Variants in FCHSD2 observed in about 807,000 individuals in gnomAD.
FCHSD2 encodes FCH and double SH3 domains 2, also known as F-BAR and double SH3 domains protein 2.
FCHSD2 carries 38 observed loss-of-function variants against 108.1 expected under a neutral mutation model. The observed-to-expected ratio is 0.35, with a 90% CI of 0.27 to 0.46. FCHSD2 has a LOEUF of 0.46. Ranked by LOEUF, FCHSD2 falls within the 20% of genes least tolerant of loss-of-function variation. The probability of loss-of-function intolerance (pLI) is 1.00; values close to 1 mark genes in which losing one functional copy is unlikely to be tolerated. For synonymous variants in FCHSD2, 279 were observed against 314.7 expected, an observed-to-expected ratio of 0.89 and a Z score of 1.20; for missense variants, 751 against 897.8, an observed-to-expected ratio of 0.84 and a Z score of 2.09.
intron 9 of FCHSD2, among the ~76,000 whole-genome samples, chr11:72,920,083 G>C (rs886661268): frequency 6.6e-6 from 1 of 151,994 alleles, no homozygotes; most frequent in East Asian, 1.9e-4. Flanking sequence ...AGAAGCTTGA[G>C]AAAGAACAAT....
intron 8 of FCHSD2, among the ~76,000 whole-genome samples, chr11:72,955,326 A>G (rs1856692039): frequency 6.6e-6 from 1 of 152,226 alleles, no homozygotes; most frequent in African/African-American, 2.4e-5. Flanking sequence ...ACAGATGAAC[A>G]GCCAGATAGA....
At chr11:73,040,632 C>T (rs984148132) in intron 3 of FCHSD2, among the ~76,000 whole-genome samples, 1 of 152,092 alleles carries the variant, frequency 6.6e-6, no homozygotes, top group South Asian at 2.1e-4. Context: ...TTAAGGGGCA[C>T]ACATGATATT....
intron 12 of FCHSD2, among the ~76,000 whole-genome samples, chr11:72,871,619 C>T (rs1379629913): frequency 6.6e-6 from 1 of 151,998 alleles, no homozygotes; most frequent in Admixed American, 6.6e-5. Flanking sequence ...TGGCTTGTAC[C>T]TGGAGTCCAA....
intron 5 of FCHSD2, among the ~76,000 whole-genome samples, chr11:72,991,498 A>G (rs989639301): frequency 6.6e-6 from 1 of 152,328 alleles, no homozygotes; most frequent in African/African-American, 2.4e-5. Context: ...GCAGCACACC[A>G]AAAGCTTATC....
chr11:72,915,467 T>C (rs1443312875), intron 9 of FCHSD2, among the ~76,000 whole-genome samples: 4 of 152,264 alleles, frequency 2.6e-5, no homozygotes, highest in Middle Eastern at 6.8e-3. Context: ...TGCAGCACCA[T>C]TCACAATAGC....
At chr11:73,004,894 C>A (rs1369950225) in intron 4 of FCHSD2, among the ~76,000 whole-genome samples, 1 of 152,212 alleles carries the variant, frequency 6.6e-6, no homozygotes, top group Non-Finnish European at 1.5e-5. Context: ...TACGACCACA[C>A]TTTCAGCCAA....
chr11:72,901,458 G>T (rs1855524937), intron 10 of FCHSD2, among the ~76,000 whole-genome samples: 1 of 152,010 alleles, frequency 6.6e-6, no homozygotes, highest in South Asian at 2.1e-4. Flanking sequence ...TTGCCAGTTG[G>T]AATCTACAGA....
At chr11:73,075,532 T>C (rs569088779) in intron 3 of FCHSD2, among the ~76,000 whole-genome samples, 3 of 152,252 alleles carry the variant, frequency 2.0e-5, no homozygotes, top group East Asian at 1.9e-4. Flanking sequence ...TACAGTCAAT[T>C]TGGAAAACAG....
chr11:72,896,898 C>T (rs1855432144), intron 10 of FCHSD2, among the ~76,000 whole-genome samples: 1 of 151,814 alleles, frequency 6.6e-6, no homozygotes, highest in Non-Finnish European at 1.5e-5. Flanking sequence ...GCGATCTCGG[C>T]TCACTGCAAG....
intron 3 of FCHSD2, among the ~76,000 whole-genome samples, chr11:73,075,496 CA>C (rs896768133): frequency 1.3e-5 from 2 of 152,096 alleles, no homozygotes; most frequent in African/African-American, 4.8e-5. Flanking sequence ...AATGCAAACA[CA>C]ATGCAAAGCA....
chr11:72,974,234 C>G (rs1015017546), intron 8 of FCHSD2, among the ~76,000 whole-genome samples: 3 of 152,118 alleles, frequency 2.0e-5, no homozygotes, highest in Non-Finnish European at 2.9e-5. Flanking sequence ...GGCCTTCACG[C>G]TGTATCATCC....
At chr11:73,078,894 A>AT (rs1026908398) in intron 3 of FCHSD2, among the ~76,000 whole-genome samples, 2 of 151,216 alleles carry the variant, frequency 1.3e-5, no homozygotes, top group African/African-American at 4.9e-5. Context: ...ATTTTTTTTT[A>AT]TTTTTTATAG....
At chr11:73,033,484 A>C (rs1048006842) in intron 3 of FCHSD2, among the ~76,000 whole-genome samples, 3 of 152,048 alleles carry the variant, frequency 2.0e-5, no homozygotes, top group Non-Finnish European at 4.4e-5. Flanking sequence ...TTATAAACAT[A>C]CTCTGACCCC....
chr11:73,141,920 A>T lies in FCHSD2; in HGVS notation c.-43T>A. 5 of 1,538,330 alleles carry T rather than the reference A, an allele frequency of 3.3e-6. No homozygotes were observed. Among genetic ancestry groups the T allele is most frequent in the Non-Finnish European group, 4.4e-6 (5 of 1,143,430 alleles). On this transcript the variant is annotated 5_prime_UTR_variant, in exon 1 of 20. Coordinates refer to ENST00000409418, the MANE Select transcript of FCHSD2 (RefSeq NM_014824.3). The stretch of plus-strand genomic sequence containing the variant: ...AATCCTCCCCGACGGCAGCGTTAGC[A>T]AGGACCAGGAGGAGGAGGAGGGCCG...
At chr11:72,868,897 CT>C (rs1011714127) in intron 12 of FCHSD2, among the ~76,000 whole-genome samples, 14 of 149,062 alleles carry the variant, frequency 9.4e-5, no homozygotes, top group African/African-American at 1.7e-4. Context: ...TTTAAGTTAC[CT>C]TTTTTTTTTA....
chr11:72,954,016 T>C (rs1262037382), intron 8 of FCHSD2, among the ~76,000 whole-genome samples: 1 of 152,132 alleles, frequency 6.6e-6, no homozygotes. Flanking sequence ...TAGTAGGTTC[T>C]GACCAAAGAA....
chr11:73,064,175 C>T lies in FCHSD2; in HGVS notation c.165+19520G>A, dbSNP rs554101731. Among the ~76,000 whole-genome samples, 9 of 152,204 alleles carry T rather than the reference C, an allele frequency of 5.9e-5. 1 individual carries two copies. In the South Asian group the frequency reaches 1.5e-3, roughly 25 times the overall value. On this transcript the variant is annotated intron_variant, in intron 3 of 19. Transcript: ENST00000409418. ...CTACATGGAAATTGAACAACCTGTT[C>T]CTAAATGACTACCGGGTATATAATG...
chr11:73,043,961 A>G (rs761510308), intron 3 of FCHSD2, among the ~76,000 whole-genome samples: 1 of 152,190 alleles, frequency 6.6e-6, no homozygotes, highest in Non-Finnish European at 1.5e-5. Context: ...CCATTCACCA[A>G]TTTTGGCAAC....
chr11:72,934,035 G>T (rs1856247585), intron 8 of FCHSD2, among the ~76,000 whole-genome samples: 1 of 149,220 alleles, frequency 6.7e-6, no homozygotes, highest in Admixed American at 6.7e-5. Context: ...CCTGAGCCTG[G>T]GAGGTTGAGG....
Sources: gnomAD v4.1 joint callset for allele counts (sites outside exome capture counted in the v4.1 genomes callset) on GRCh38, gnomAD v4.1.1 for gene constraint, MANE v1.5 for transcripts, NCBI Gene and HGNC (gene_info 2026-07-23, HGNC 2026-07-21) for gene names.